RASGEF1C: variants seen among roughly 807,000 people sequenced by gnomAD.
RASGEF1C encodes the protein ras-GEF domain-containing family member 1C.
In RASGEF1C, 27 loss-of-function variants were observed where a neutral mutation model predicts 58.1. The observed-to-expected ratio is 0.46, with a 90% CI of 0.34 to 0.64. RASGEF1C has a LOEUF of 0.64. RASGEF1C is among the 30% of genes least tolerant of loss of function. The pLI is 0.01. For synonymous variants in RASGEF1C, 243 were observed against 246.3 expected (o/e 0.99, Z 0.13); for missense variants, 502 against 605.1 (o/e 0.83, Z 1.79).
At chr5:180,184,525 C>T (rs1040866116) in intron 1 of RASGEF1C, among the ~76,000 whole-genome samples, 13 of 150,552 alleles carry the variant, frequency 8.6e-5, no homozygotes, top group Admixed American at 4.6e-4. Flanking sequence ...TGCAGTGAGA[C>T]GGGATCGTGC....
intron 1 of RASGEF1C, among the ~76,000 whole-genome samples, chr5:180,204,062 C>T (rs865959938): frequency 6.6e-6 from 1 of 152,138 alleles, no homozygotes; most frequent in African/African-American, 2.4e-5. Context: ...AAAAGTTATA[C>T]ATAGCTTTTT....
chr5:180,130,125 G>C (rs1766339421), intron 4 of RASGEF1C, among the ~76,000 whole-genome samples: 2 of 152,198 alleles, frequency 1.3e-5, no homozygotes, highest in African/African-American at 4.8e-5. Context: ...GCCCTGTGGA[G>C]CTGTTATTCT....
chr5:180,111,358 A>G, intron 12 of RASGEF1C, 99 bp downstream of exon 12: 1 of 1,523,726 alleles, frequency 6.6e-7, no homozygotes, highest in Non-Finnish European at 9.0e-7. Flanking sequence ...GGCAGGGTGC[A>G]TCCCTAACCT....
At chr5:180,119,315 T>G in intron 8 of RASGEF1C, 31 bp downstream of exon 8, 9 of 1,571,608 alleles carry the variant, frequency 5.7e-6, no homozygotes, top group South Asian at 3.3e-5. Context: ...ACCCGTGCAC[T>G]GGGGGCCACA....
In RASGEF1C at chr5:180,118,682, T is replaced by C. The variant is rs758316782; in HGVS notation, c.1010A>G (p.Asn337Ser). ...CAGGGCTGTCCTGTAGTTGCAGAAA[T>C]TCCCCGTTGGGTCCATCTGGTGCTG... is the stretch of plus-strand genomic sequence containing the variant. ...ILEHQMDPTG[N>S]FCNYRTALRG... is the part of the protein sequence containing the mutation. Residue 337 changes from asparagine (N) to serine (S), a missense_variant, in exon 10 of 14, where the codon AAT becomes AGT. Transcript: ENST00000361132. The C allele has an allele frequency of 6.2e-7, 1 of 1,614,134 alleles. No homozygotes were observed. The highest frequency in any genetic ancestry group is 1.1e-5 in the South Asian group (1 of 91,074).
chr5:180,162,656 A>G (rs1378933188), intron 1 of RASGEF1C, among the ~76,000 whole-genome samples: 2 of 152,206 alleles, frequency 1.3e-5, no homozygotes, highest in East Asian at 3.8e-4. Context: ...ATTGTCATAA[A>G]TAGATTTATG....
chr5:180,146,799 G>T, intron 1 of RASGEF1C, among the ~76,000 whole-genome samples: 1 of 152,144 alleles, frequency 6.6e-6, no homozygotes, highest in East Asian at 1.9e-4. Context: ...GTCTGGCTTT[G>T]GTATCAAGGT....
At chr5:180,113,192 C>CG in intron 11 of RASGEF1C, among the ~76,000 whole-genome samples, 1 of 36,436 alleles carries the variant, frequency 2.7e-5, no homozygotes, top group African/African-American at 9.8e-5. Context: ...CGGAGGGATC[C>CG]AGGATGGACA....
At chr5:180,154,914 G>C (rs1766827797) in intron 1 of RASGEF1C, among the ~76,000 whole-genome samples, 1 of 152,154 alleles carries the variant, frequency 6.6e-6, no homozygotes, top group South Asian at 2.1e-4. Context: ...CCCAGCTCCT[G>C]GCCCTGGACC....
At chr5:180,132,148 G>C (rs1766380396) in intron 4 of RASGEF1C, among the ~76,000 whole-genome samples, 1 of 152,222 alleles carries the variant, frequency 6.6e-6, no homozygotes, top group Non-Finnish European at 1.5e-5. Context: ...GAAGCACCAG[G>C]CCGTGCTGGG....
At chr5:180,134,202 G>A (rs1766427506) in intron 4 of RASGEF1C, among the ~76,000 whole-genome samples, 1 of 152,158 alleles carries the variant, frequency 6.6e-6, no homozygotes, top group South Asian at 2.1e-4. Context: ...TCTTTGGGGT[G>A]CATGCTTTTT....
At chr5:180,120,034 C>T (rs542750471) in intron 7 of RASGEF1C, among the ~76,000 whole-genome samples, 3 of 152,256 alleles carry the variant, frequency 2.0e-5, no homozygotes, top group South Asian at 2.1e-4. Flanking sequence ...CGCCCAGGCT[C>T]GGCCCTCTCG....
rs1277085871 is a variant in RASGEF1C, at chr5:180,172,954, G to C, written c.-6-34896C>G. Among the ~76,000 whole-genome samples, 4 of 152,176 alleles carry C rather than the reference G, an allele frequency of 2.6e-5. No homozygotes were observed. In the East Asian group the frequency reaches 7.7e-4, roughly 29 times the overall value. ...GCCAGTCTGCCAGCTGAGGCCCTGA[G>C]GGTCAATGCATCTTCCTTTCCTCTG... On this transcript the variant is annotated intron_variant, in intron 1 of 13. Coordinates refer to ENST00000361132, the MANE Select transcript of RASGEF1C (RefSeq NM_175062.4).
At chr5:180,102,209 T>G (rs1277726625) in intron 12 of RASGEF1C, 66 bp from the exon 13 acceptor site, 2 of 925,368 alleles carry the variant, frequency 2.2e-6, no homozygotes, top group African/African-American at 3.3e-5. Context: ...CTACACCTGC[T>G]ATATCTGCGT....
intron 1 of RASGEF1C, among the ~76,000 whole-genome samples, chr5:180,173,479 G>A (rs928479524): frequency 7.9e-5 from 12 of 152,230 alleles, no homozygotes; most frequent in African/African-American, 2.7e-4. Context: ...CTATGTGGAC[G>A]TCACTCCCTG....
intron 1 of RASGEF1C, among the ~76,000 whole-genome samples, chr5:180,150,819 A>G (rs6864195): frequency 0.87 from 132,841 of 151,820 alleles, 59,036 homozygotes; most frequent in Non-Finnish European, 0.94. Context: ...AGAAAACCCC[A>G]TCGTCTCAGC....
At chr5:180,157,092 C>T (rs1167160425) in intron 1 of RASGEF1C, among the ~76,000 whole-genome samples, 1 of 152,228 alleles carries the variant, frequency 6.6e-6, no homozygotes, top group Non-Finnish European at 1.5e-5. Context: ...AGGCGCTTTG[C>T]AATGCAGCTT....
intron 1 of RASGEF1C, among the ~76,000 whole-genome samples, chr5:180,201,085 G>A (rs940824493): frequency 5.9e-5 from 9 of 152,132 alleles, no homozygotes; most frequent in African/African-American, 1.2e-4. Flanking sequence ...GTGACAGAGC[G>A]AGACCTTGTC....
intron 11 of RASGEF1C, among the ~76,000 whole-genome samples, chr5:180,113,020 C>T (rs1221553058): frequency 2.2e-5 from 2 of 92,872 alleles, no homozygotes; most frequent in Non-Finnish European, 4.7e-5. Context: ...ACGGAGGGAC[C>T]GGGGATGGAC....
Sources: allele counts gnomAD v4.1 joint callset (sites outside exome capture counted in the v4.1 genomes callset), GRCh38; gene constraint gnomAD v4.1.1; transcripts MANE v1.5; gene names NCBI Gene and HGNC (gene_info 2026-07-23, HGNC 2026-07-21).